Variants in AHNAK observed in about 807,000 individuals in gnomAD.
AHNAK encodes the protein neuroblast differentiation-associated protein AHNAK.
In AHNAK, 23 loss-of-function variants were observed where a neutral mutation model predicts 37.8. The observed-to-expected ratio is 0.61, with a 90% CI of 0.44 to 0.86. The LOEUF (loss-of-function observed/expected upper bound fraction) is 0.86. Ranked by LOEUF, AHNAK falls within the 40% of genes least tolerant of loss-of-function variation. AHNAK has a pLI of 0.00. For missense variants in AHNAK, 7,411 were observed against 7,319.4 expected, an observed-to-expected ratio of 1.01 and a Z score of -0.46; for synonymous variants, 2,481 against 2,636.3, an observed-to-expected ratio of 0.94 and a Z score of 1.80.
At chr11:62,456,213 T>C (rs1260904807) in intron 5 of AHNAK, among the ~76,000 whole-genome samples, 2 of 152,092 alleles carry the variant, frequency 1.3e-5, no homozygotes, top group African/African-American at 2.4e-5. Flanking sequence ...TCCAGAATGG[T>C]GACAAAATAA....
At chr11:62,474,828 G>A (rs1027132279) in intron 5 of AHNAK, among the ~76,000 whole-genome samples, 23 of 152,134 alleles carry the variant, frequency 1.5e-4, no homozygotes, top group African/African-American at 5.6e-4. Flanking sequence ...AAGACAGTGG[G>A]GTGTCTTCCT....
At position 62,520,473 on chromosome 11, in the gene AHNAK, C is replaced by T. The variant is rs757468831; in HGVS notation, c.13944G>A (p.Trp4648Ter). Residue 4648 changes from tryptophan to a stop codon, truncating the protein, a stop_gained, in exon 5 of 5, where the codon TGG becomes TGA. Coordinates refer to ENST00000378024, the MANE Select transcript of AHNAK (RefSeq NM_001620.3). LOFTEE classifies it low-confidence loss of function (END_TRUNC). ...VPDVDVQGPD[W>*]HLKMPKVKMP... ...TTTTCACTTTGGGCATTTTTAGGTG[C>T]CAGTCTGGGCCTTGAACGTCCACAT... 4 of 1,613,992 alleles carry T rather than the reference C, an allele frequency of 2.5e-6. No homozygotes were observed. Among genetic ancestry groups the T allele is most frequent in the Non-Finnish European group, 8.5e-7 (1 of 1,180,046 alleles).
At position 62,535,156 on chromosome 11, in the gene AHNAK, G is replaced by A; in HGVS notation, c.189C>T (p.Asp63=). 6.2e-7 allele frequency: 1 copy of A among 1,612,578 alleles called. No individual in the cohort carries two copies. Among genetic ancestry groups the A allele is most frequent in the Non-Finnish European group, 8.5e-7 (1 of 1,178,692 alleles). The stretch of plus-strand genomic sequence containing the variant: ...GGGTCACCTCACCCGACTGCAGGTT[G>A]TCAAAGTAGATGGTGGCACCCACAA... ...DQIVGATIYF[D]NLQSGEVTQL... is the part of the protein sequence containing the mutation. The change falls in exon 4 of 5, where the codon GAC becomes GAT. Residue 63 remains aspartate, a synonymous_variant. Coordinates refer to ENST00000378024, the MANE Select transcript of AHNAK (RefSeq NM_001620.3).
chr11:62,506,668 C>A lies in AHNAK; in HGVS notation c.343-14837G>T, dbSNP rs150815978. Among the ~76,000 whole-genome samples, 1,046 of 152,306 alleles carry A rather than the reference C, an allele frequency of 6.9e-3. 13 individuals are homozygous for A. The highest frequency in any genetic ancestry group is 0.024 in the African/African-American group (989 of 41,544). On this transcript the variant is annotated intron_variant, in intron 4 of 5. Coordinates refer to the AHNAK transcript ENST00000257247. Reference sequence around the variant, plus strand: ...GGGCTTAGCCAGGGCTGGGGGCCTTCCAGGCTGTGTGGGCCGGGTGGTCTG... The same window carrying A: ...GGGCTTAGCCAGGGCTGGGGGCCTTACAGGCTGTGTGGGCCGGGTGGTCTG...
In AHNAK at chr11:62,523,417, T is replaced by C. The variant is rs1940344666; in HGVS notation, c.11000A>G (p.Lys3667Arg). ...GTCAGGCATGGAGATCTTGGGGGCT[T>C]TGATGTTCATCTCAGGCATCTTGAA... is the stretch of plus-strand genomic sequence containing the variant. ...PKFKMPEMNI[K>R]APKISMPDFD... is the part of the protein sequence containing the mutation. Residue 3667 changes from lysine (K) to arginine (R), a missense_variant, in exon 5 of 5, where the codon AAA becomes AGA. Transcript: ENST00000378024. 5.0e-6 allele frequency: 8 copies of C among 1,612,954 alleles called. No individual in the cohort carries two copies. The highest frequency in any genetic ancestry group is 5.9e-6 in the Non-Finnish European group (7 of 1,179,658).
At chr11:62,538,164 C>T (rs1035819193) in intron 1 of AHNAK, among the ~76,000 whole-genome samples, 2 of 152,138 alleles carry the variant, frequency 1.3e-5, no homozygotes, top group Admixed American at 6.5e-5. Flanking sequence ...CAGCTGGCAG[C>T]TCTGGGAGCC....
At position 62,519,727 on chromosome 11, in the gene AHNAK, G is replaced by A; in HGVS notation, c.14690C>T (p.Ala4897Val). 6.2e-7 allele frequency: 1 copy of A among 1,613,708 alleles called. No homozygotes were observed. Among genetic ancestry groups the A allele is most frequent in the Non-Finnish European group, 8.5e-7 (1 of 1,179,864 alleles). ...CTTCAAAGATGGGCCACTGAGTTTG[G>A]CATCAGGGCCTTCGAAATCCAGACG... The part of the protein sequence containing the change: ...GPRLDFEGPD[A>V]KLSGPSLKMP... The change falls in exon 5 of 5, where the codon GCC becomes GTC. Residue 4897 changes from alanine (A) to valine (V), a missense_variant. Ala to Val is a moderately conservative substitution (Grantham distance 64). Transcript: ENST00000378024.
intron 5 of AHNAK, among the ~76,000 whole-genome samples, chr11:62,468,039 T>C (rs543834675): frequency 3.0e-4 from 45 of 152,104 alleles, no homozygotes; most frequent in African/African-American, 1.0e-3. Context: ...GATGATGATA[T>C]TAGTTATATT....
intron 5 of AHNAK, among the ~76,000 whole-genome samples, chr11:62,486,485 A>G (rs891571672): frequency 2.7e-5 from 4 of 149,630 alleles, no homozygotes; most frequent in Non-Finnish European, 4.4e-5. Context: ...CTGTCTCAAA[A>G]AAAAGAAAGA....
chr11:62,532,557 A>C lies in AHNAK; in HGVS notation c.1860T>G (p.His620Gln), dbSNP rs769075878. ...VDVSAPDVEA[H>Q]GPEWNLKMPK... ...GCATTTTCAGGTTCCATTCTGGGCC[A>C]TGCGCTTCGACATCTGGGGCACTGA... The change falls in exon 5 of 5, where the codon CAT (histidine) becomes CAG (glutamine). Residue 620 changes from histidine to glutamine, a missense_variant. Coordinates refer to ENST00000378024, the MANE Select transcript of AHNAK (RefSeq NM_001620.3). The C allele has an allele frequency of 4.3e-6, 7 of 1,614,034 alleles. No individual in the cohort carries two copies. In the South Asian group the frequency reaches 7.7e-5, roughly 18 times the overall value.
chr11:62,503,931 C>T (rs1043251382), intron 4 of AHNAK, among the ~76,000 whole-genome samples: 6 of 152,020 alleles, frequency 3.9e-5, no homozygotes, highest in African/African-American at 9.7e-5. Context: ...GAGGCCGAGG[C>T]GGGTGGATCA....
At chr11:62,466,047 T>C (rs1364871960) in intron 5 of AHNAK, among the ~76,000 whole-genome samples, 2 of 152,064 alleles carry the variant, frequency 1.3e-5, no homozygotes, top group Non-Finnish European at 1.5e-5. Flanking sequence ...GGGCCGGGTG[T>C]GGTGGCTCAT....
chr11:62,465,234 C>G (rs111911986), intron 5 of AHNAK, among the ~76,000 whole-genome samples: 12 of 152,228 alleles, frequency 7.9e-5, no homozygotes, highest in South Asian at 2.1e-4. Flanking sequence ...CTGTCCCCCC[C>G]TCGAAAGATA....
Position 62,532,347 on chromosome 11 carries a change from C to T in AHNAK, c.2070G>A (p.Met690Ile), listed in dbSNP as rs771096144. The change falls in exon 5 of 5, where the codon ATG becomes ATA. Residue 690 changes from methionine (M) to isoleucine (I), a missense_variant. Physicochemically the swap from Met to Ile is conservative, Grantham distance 10. Transcript: ENST00000378024. ...TGGAGATCTTTGGTGTCTTGACACT[C>T]ATATCAGGCAGCTTAACATCGGGGC... ...LKGPDVKLPD[M>I]SVKTPKISMP... 4 of 1,614,222 alleles carry T rather than the reference C, an allele frequency of 2.5e-6. No individual in the cohort carries two copies. In the South Asian group the frequency reaches 4.4e-5, roughly 18 times the overall value.
rs376055236 is a variant in AHNAK, at chr11:62,534,962, C to T, written c.342+41G>A. The T allele has an allele frequency of 5.1e-5, 81 of 1,582,408 alleles. No individual in the cohort carries two copies. In the Admixed American group the frequency reaches 6.4e-4, roughly 13 times the overall value. ...AGTGGGGTCAGCAGGCCGGCATGGCCGGGGGAGCTCAGGGCACAGATGGGC... is the reference window on the plus strand; with the variant it reads ...AGTGGGGTCAGCAGGCCGGCATGGCTGGGGGAGCTCAGGGCACAGATGGGC... On this transcript the variant is annotated intron_variant, in intron 4 of 4. Transcript: ENST00000378024.
At position 62,516,690 on chromosome 11, in the gene AHNAK, C is replaced by T. The variant is rs1940027435; in HGVS notation, c.*54G>A. On this transcript the variant is annotated 3_prime_UTR_variant, in exon 5 of 5. Coordinates refer to ENST00000378024, the MANE Select transcript of AHNAK (RefSeq NM_001620.3). The stretch of plus-strand genomic sequence containing the variant: ...TGGAGTTTATATAGGAACACACCAC[C>T]CAAGGCTGATGTTTTGTTATATATA... 1 of 1,532,422 alleles carries T rather than the reference C, an allele frequency of 6.5e-7. No individual in the cohort carries two copies. The highest frequency in any genetic ancestry group is 8.7e-7 in the Non-Finnish European group (1 of 1,145,192). 94.9% of individuals were successfully genotyped at this position (1,532,422 alleles called of 1,614,324 possible).
chr11:62,454,769 G>C (rs1938620611), intron 5 of AHNAK, among the ~76,000 whole-genome samples: 1 of 151,978 alleles, frequency 6.6e-6, no homozygotes, highest in Non-Finnish European at 1.5e-5. Context: ...CATTTAATGA[G>C]TGATCTCCCC....
intron 5 of AHNAK, among the ~76,000 whole-genome samples, chr11:62,490,197 C>CTTTTTTTTTTTTTT (rs944550481): frequency 7.8e-5 from 9 of 115,932 alleles, no homozygotes; most frequent in Non-Finnish European, 1.3e-4. Context: ...TTTTCTTTTT[C>CTTTTTTTTTTTTTT]TTTTTTTTTT....
At chr11:62,476,958 T>C (rs185963678) in intron 5 of AHNAK, among the ~76,000 whole-genome samples, 1 of 152,168 alleles carries the variant, frequency 6.6e-6, no homozygotes, top group African/African-American at 2.4e-5. Flanking sequence ...GCAGCCGGCA[T>C]TGGTTGCAGA....
Sources: allele counts gnomAD v4.1 joint callset (sites outside exome capture counted in the v4.1 genomes callset), GRCh38; gene constraint gnomAD v4.1.1; transcripts MANE v1.5; gene names NCBI Gene and HGNC (gene_info 2026-07-23, HGNC 2026-07-21).